Variants in GALM observed in about 807,000 individuals in gnomAD.
GALM encodes the protein aldose 1-epimerase.
In GALM, 43 loss-of-function variants were observed where a neutral mutation model predicts 37.4. The observed-to-expected ratio is 1.15, with a 90% CI of 0.90 to 1.48. The LOEUF is 1.48. GALM is among the 40% of genes most tolerant of loss of function. The pLI is 0.00. For missense variants in GALM, 456 were observed against 419.1 expected, an observed-to-expected ratio of 1.09 and a Z score of -0.77; for synonymous variants, 199 against 170.6, an observed-to-expected ratio of 1.17 and a Z score of -1.30.
chr2:38,714,105 T>A (rs1666222711), intron 4 of GALM, among the ~76,000 whole-genome samples: 1 of 152,170 alleles, frequency 6.6e-6, no homozygotes, highest in African/African-American at 2.4e-5. Flanking sequence ...AGTACCATCA[T>A]CATCTTTATT....
Position 38,729,589 on chromosome 2 carries a change from A to G in GALM, c.668A>G (p.Asp223Gly). The G allele has an allele frequency of 6.2e-7, 1 of 1,613,622 alleles. No individual in the cohort carries two copies. Among genetic ancestry groups the G allele is most frequent in the Non-Finnish European group, 8.5e-7 (1 of 1,179,696 alleles). Residue 223 changes from aspartate to glycine, a missense_variant, in exon 5 of 7, where the codon GAC (aspartate) becomes GGC (glycine). Physicochemically the swap from Asp to Gly is moderately conservative, Grantham distance 94. Coordinates refer to ENST00000272252, the MANE Select transcript of GALM (RefSeq NM_138801.3). ...GCCCCAGTGCAAGGCACTGCATTCG[A>G]CCTGAGAAAGCCAGTGGAGCTTGGA... is the stretch of plus-strand genomic sequence containing the variant. ...EVAPVQGTAF[D>G]LRKPVELGKH...
intron 1 of GALM, among the ~76,000 whole-genome samples, chr2:38,672,312 C>T (rs1665129080): frequency 6.6e-6 from 1 of 152,206 alleles, no homozygotes. Context: ...AAAAAAAATT[C>T]TGCTTTTCTA....
intron 1 of GALM, among the ~76,000 whole-genome samples, chr2:38,670,488 T>C (rs1665072930): frequency 6.6e-6 from 1 of 152,216 alleles, no homozygotes; most frequent in Non-Finnish European, 1.5e-5. Flanking sequence ...GGTGGGAGCA[T>C]TGAAAATTCC....
intron 4 of GALM, among the ~76,000 whole-genome samples, chr2:38,707,160 G>A (rs1666049899): frequency 1.3e-5 from 2 of 152,158 alleles, no homozygotes; most frequent in East Asian, 3.9e-4. Flanking sequence ...AATATTTGAG[G>A]TTAGGGTGCC....
intron 4 of GALM, among the ~76,000 whole-genome samples, chr2:38,705,793 G>T (rs1451093602): frequency 1.3e-5 from 2 of 152,158 alleles, no homozygotes; most frequent in African/African-American, 4.8e-5. Flanking sequence ...CTACAGTTGG[G>T]TACAGTCATG....
At chr2:38,729,791 T>TAGTAAATGCTA in intron 5 of GALM, 94 bp downstream of exon 5, 8 of 1,042,394 alleles carry the variant, frequency 7.7e-6, no homozygotes, top group Non-Finnish European at 1.2e-5. Flanking sequence ...ATCAATAGCA[T>TAGTAAATGCTA]TTACTATGCT....
intron 4 of GALM, among the ~76,000 whole-genome samples, chr2:38,729,146 T>A (rs1380067943): frequency 6.6e-6 from 1 of 151,998 alleles, no homozygotes; most frequent in African/African-American, 2.4e-5. Flanking sequence ...CATACTCCCA[T>A]ATACTCTATT....
chr2:38,675,518 G>GGTT lies in GALM; in HGVS notation c.191-394_191-393insGTT, dbSNP rs796150100. Among the ~76,000 whole-genome samples the GGTT allele has an allele frequency of 3.2e-4, 34 of 104,980 alleles. 6 individuals are homozygous for GGTT. The highest frequency in any genetic ancestry group is 1.1e-3 in the South Asian group (3 of 2,758). The allele number at this position is 104,980 out of a possible 152,430, so 68.9% of individuals were successfully genotyped here. On this transcript the variant is annotated intron_variant, in intron 1 of 6. Coordinates refer to ENST00000272252, the MANE Select transcript of GALM (RefSeq NM_138801.3). ...CATGCAACACACCTTTGGATTGAGG[G>GGTT]TTTTTTTGTTTTTTTTTTTTTTTTT...
chr2:38,695,091 C>G (rs1336639191), intron 4 of GALM, among the ~76,000 whole-genome samples: 3 of 151,904 alleles, frequency 2.0e-5, no homozygotes, highest in Non-Finnish European at 2.9e-5. Flanking sequence ...TGTTGGTCAT[C>G]TCTGTTGAAA....
At chr2:38,688,854 A>T (rs148061429) in intron 3 of GALM, among the ~76,000 whole-genome samples, 4,590 of 152,148 alleles carry the variant, frequency 0.03, 233 homozygotes, top group African/African-American at 0.1. Flanking sequence ...TTTGCTCTTG[A>T]TGCCCAGGCT....
At chr2:38,677,563 C>A (rs1385655458) in intron 2 of GALM, among the ~76,000 whole-genome samples, 3 of 152,212 alleles carry the variant, frequency 2.0e-5, no homozygotes, top group Non-Finnish European at 2.9e-5. Flanking sequence ...TAAGGCCCAG[C>A]CTGGCTTCAG....
intron 4 of GALM, among the ~76,000 whole-genome samples, chr2:38,726,229 T>C (rs12712616): frequency 4.2e-5 from 1 of 24,046 alleles, no homozygotes; most frequent in Non-Finnish European, 1.2e-4. Context: ...TTTTTTTTTT[T>C]ATTTTTTTTT....
In GALM at chr2:38,729,694, C is replaced by T. The variant is rs139320905; in HGVS notation, c.773C>T (p.Ala258Val). The T allele has an allele frequency of 4.3e-6, 7 of 1,611,224 alleles. No individual in the cohort carries two copies. The highest frequency in any genetic ancestry group is 5.9e-6 in the Non-Finnish European group (7 of 1,178,036). The part of the protein sequence containing the change: ...LKGSKEKHFC[A>V]RVHHAASGRV... ...GGATCTAAAGAAAAGCATTTTTGTG[C>T]AAGGTCAGGTACTTTTCACTTCCTG... Residue 258 changes from alanine to valine, a missense_variant, in exon 5 of 7, where the codon GCA becomes GTA. Ala to Val is a moderately conservative substitution (Grantham distance 64). Coordinates refer to ENST00000272252, the MANE Select transcript of GALM (RefSeq NM_138801.3).
intron 1 of GALM, among the ~76,000 whole-genome samples, chr2:38,667,613 A>C (rs1251449752): frequency 6.8e-6 from 1 of 146,602 alleles, no homozygotes; most frequent in African/African-American, 2.5e-5. Flanking sequence ...AAAAAAACAA[A>C]ACTCAGCTTT....
intron 4 of GALM, among the ~76,000 whole-genome samples, chr2:38,706,473 G>A (rs55965598): frequency 0.22 from 30,706 of 141,044 alleles, 4,001 homozygotes; most frequent in Non-Finnish European, 0.28. Flanking sequence ...CCAGGAGTTC[G>A]AGACCAGCCT....
At chr2:38,686,277 T>TTTCTTTCTTTCTTTCTTTCTTTCTTTCTC (rs1558582155) in intron 3 of GALM, among the ~76,000 whole-genome samples, 1 of 112,382 alleles carries the variant, frequency 8.9e-6, no homozygotes, top group Non-Finnish European at 1.8e-5. Context: ...TCTTTCTTTC[T>TTTCTTTCTTTCTTTCTTTCTTTCTTTCTC]TATTTTGAGA....
chr2:38,728,358 C>A (rs1292703458), intron 4 of GALM, among the ~76,000 whole-genome samples: 1 of 151,364 alleles, frequency 6.6e-6, no homozygotes, highest in Admixed American at 6.6e-5. Flanking sequence ...TGTGCCATTG[C>A]ACTCCAGCCT....
intron 3 of GALM, among the ~76,000 whole-genome samples, chr2:38,683,801 G>A (rs566319585): frequency 1.6e-3 from 236 of 152,148 alleles, no homozygotes; most frequent in African/African-American, 5.4e-3. Context: ...TCCTGACCTC[G>A]GGTGATCCAC....
chr2:38,731,615 T>G (rs1344384102), intron 5 of GALM, 120 bp from the exon 6 acceptor site: 2 of 740,814 alleles, frequency 2.7e-6, no homozygotes, highest in Non-Finnish European at 4.6e-6. Context: ...CATCTCCTCC[T>G]TATATCTTGT....
Sources: gnomAD v4.1 joint callset for allele counts (sites outside exome capture counted in the v4.1 genomes callset) on GRCh38, gnomAD v4.1.1 for gene constraint, MANE v1.5 for transcripts, NCBI Gene and HGNC (gene_info 2026-07-23, HGNC 2026-07-21) for gene names.